Variants in CUL5 observed in about 807,000 individuals in gnomAD.
CUL5 encodes cullin-5.
CUL5 carries 26 observed loss-of-function variants against 108.8 expected under a neutral mutation model. That is an observed-to-expected ratio of 0.24 (90% confidence interval 0.18 to 0.33). The LOEUF (loss-of-function observed/expected upper bound fraction) is 0.33. CUL5 is among the 10% of genes least tolerant of loss of function. The probability of loss-of-function intolerance (pLI) is 1.00; values close to 1 mark genes in which losing one functional copy is unlikely to be tolerated. For synonymous variants in CUL5, 334 were observed against 298.0 expected, an observed-to-expected ratio of 1.12 and a Z score of -1.25; for missense variants, 524 against 909.2, an observed-to-expected ratio of 0.58 and a Z score of 5.45.
At chr11:108,059,586 A>G (rs965695504) in intron 7 of CUL5, among the ~76,000 whole-genome samples, 3 of 152,122 alleles carry the variant, frequency 2.0e-5, no homozygotes, top group African/African-American at 4.8e-5. Flanking sequence ...TCCTAACTAT[A>G]AAATGGAATA....
Position 108,052,644 on chromosome 11 carries a change from GTTC to G in CUL5, c.412-13_412-11del. ...ATAATTGAAAATTATGTTACAATTT[GTTC>G]TTGTTTTCCTAGCTTATGCTTGATA... On this transcript the variant is annotated splice_polypyrimidine_tract_variant and intron_variant, in intron 4 of 18. Coordinates refer to ENST00000393094, the MANE Select transcript of CUL5 (RefSeq NM_003478.6). 1 of 1,582,378 alleles carries G rather than the reference GTTC, an allele frequency of 6.3e-7. No individual in the cohort carries two copies. Among genetic ancestry groups the G allele is most frequent in the Non-Finnish European group, 8.6e-7 (1 of 1,161,812 alleles).
intron 12 of CUL5, among the ~76,000 whole-genome samples, chr11:108,089,012 C>T (rs1864288773): frequency 6.6e-6 from 1 of 151,798 alleles, no homozygotes; most frequent in Non-Finnish European, 1.5e-5. Flanking sequence ...AGATAGATAG[C>T]AAGGGATGAA....
chr11:108,072,561 TG>T, intron 9 of CUL5, 99 bp downstream of exon 9: 1 of 1,028,778 alleles, frequency 9.7e-7, no homozygotes, highest in Non-Finnish European at 1.4e-6. Flanking sequence ...GGCTGGGGGT[TG>T]GGGGAGCAGA....
intron 7 of CUL5, among the ~76,000 whole-genome samples, chr11:108,058,866 A>G (rs1052834408): frequency 6.6e-6 from 1 of 152,208 alleles, no homozygotes; most frequent in Non-Finnish European, 1.5e-5. Flanking sequence ...GGCCTATAGC[A>G]GATGAACAGA....
intron 13 of CUL5, among the ~76,000 whole-genome samples, chr11:108,093,149 T>G (rs192668362): frequency 4.5e-4 from 69 of 152,354 alleles, no homozygotes; most frequent in Non-Finnish European, 8.7e-4. Flanking sequence ...GGTAGATAAA[T>G]TATCTGACAC....
At chr11:108,088,758 A>T in intron 12 of CUL5, 99 bp downstream of exon 12, 2 of 903,224 alleles carry the variant, frequency 2.2e-6, no homozygotes, top group Non-Finnish European at 3.2e-6. Flanking sequence ...TTAAAAATGT[A>T]TTATCTGTAA....
Position 108,009,872 on chromosome 11 carries a change from C to T in CUL5, c.24+500C>T, listed in dbSNP as rs142400526. Among the ~76,000 whole-genome samples the T allele has an allele frequency of 5.9e-5, 9 of 152,284 alleles. No individual in the cohort carries two copies. In the South Asian group the frequency reaches 1.2e-3, roughly 21 times the overall value. ...CCAGCAGTGCCTCCCACTCCACCCC[C>T]CTTCCTCCCTTTTCTGCGTGTTACA... On this transcript the variant is annotated intron_variant, in intron 1 of 18. Coordinates refer to ENST00000393094, the MANE Select transcript of CUL5 (RefSeq NM_003478.6).
chr11:108,044,584 C>G (rs1863021684), intron 2 of CUL5, among the ~76,000 whole-genome samples: 1 of 151,318 alleles, frequency 6.6e-6, no homozygotes, highest in African/African-American at 2.4e-5. Flanking sequence ...ATTTGGATTT[C>G]TTTGACTTTT....
At chr11:108,051,651 AT>A (rs1394340991) in intron 4 of CUL5, among the ~76,000 whole-genome samples, 1 of 152,164 alleles carries the variant, frequency 6.6e-6, no homozygotes, top group African/African-American at 2.4e-5. Flanking sequence ...CATTTTTATC[AT>A]TTTAATGGAA....
intron 2 of CUL5, among the ~76,000 whole-genome samples, chr11:108,038,637 T>C (rs1415561628): frequency 6.7e-6 from 1 of 148,878 alleles, no homozygotes; most frequent in Non-Finnish European, 1.5e-5. Context: ...ATTGCACCAT[T>C]CCACTCCAGC....
chr11:108,097,746 C>T lies in CUL5; in HGVS notation c.2016C>T (p.Phe672=), dbSNP rs748500386. The change falls in exon 17 of 19, where the codon TTC becomes TTT. Residue 672 remains phenylalanine, a synonymous_variant. Coordinates refer to ENST00000393094, the MANE Select transcript of CUL5 (RefSeq NM_003478.6). ...EGTLFSVNQE[F]SLIKNAKVQK... Reference sequence around the variant, plus strand: ...CCCTCTTCTCAGTGAACCAGGAGTTCAGTTTAATGTAAGCTCGTTAGTTGA... The same window carrying T: ...CCCTCTTCTCAGTGAACCAGGAGTTTAGTTTAATGTAAGCTCGTTAGTTGA... 1.7e-5 allele frequency: 27 copies of T among 1,567,154 alleles called. No individual in the cohort carries two copies. The highest frequency in any genetic ancestry group is 2.4e-5 in the Non-Finnish European group (27 of 1,138,640).
intron 1 of CUL5, among the ~76,000 whole-genome samples, chr11:108,032,343 CA>C (rs1233578729): frequency 6.6e-6 from 1 of 151,862 alleles, no homozygotes; most frequent in Non-Finnish European, 1.5e-5. Context: ...CCCATCTCTA[CA>C]AAAAAATACA....
intron 1 of CUL5, among the ~76,000 whole-genome samples, chr11:108,024,623 A>G (rs1432192694): frequency 1.3e-5 from 2 of 152,244 alleles, no homozygotes; most frequent in Admixed American, 1.3e-4. Context: ...AATAGAAGAT[A>G]CAAATGCTGA....
At chr11:108,083,035 A>T (rs1864134625) in intron 11 of CUL5, among the ~76,000 whole-genome samples, 1 of 152,224 alleles carries the variant, frequency 6.6e-6, no homozygotes, top group Non-Finnish European at 1.5e-5. Context: ...ATATAAGATC[A>T]TGACATCTGC....
At chr11:108,047,552 T>G (rs2135122685) in intron 3 of CUL5, among the ~76,000 whole-genome samples, 1 of 152,324 alleles carries the variant, frequency 6.6e-6, no homozygotes, top group East Asian at 1.9e-4. Flanking sequence ...ATATTTTAAT[T>G]TTGCTAGTAG....
At chr11:108,018,922 C>G (rs1862266409) in intron 1 of CUL5, among the ~76,000 whole-genome samples, 1 of 152,074 alleles carries the variant, frequency 6.6e-6, no homozygotes, top group Admixed American at 6.6e-5. Flanking sequence ...TACTTAACAT[C>G]TCTGTGCCTC....
At chr11:108,078,794 TA>T (rs1180924642) in intron 11 of CUL5, among the ~76,000 whole-genome samples, 1 of 152,150 alleles carries the variant, frequency 6.6e-6, no homozygotes, top group Non-Finnish European at 1.5e-5. Context: ...ATTTTATATA[TA>T]ATGCTAAAAT....
At chr11:108,098,616 T>A in intron 18 of CUL5, 87 bp downstream of exon 18, 2 of 1,171,640 alleles carry the variant, frequency 1.7e-6, no homozygotes, top group Non-Finnish European at 2.2e-6. Context: ...TTTTTGAATT[T>A]AAAAGCATGT....
chr11:108,042,363 C>T (rs1041571361), intron 2 of CUL5, among the ~76,000 whole-genome samples: 1 of 151,744 alleles, frequency 6.6e-6, no homozygotes, highest in Middle Eastern at 3.2e-3. Context: ...GGACAACAGG[C>T]GTGCCTCACC....
Sources: allele counts gnomAD v4.1 joint callset (sites outside exome capture counted in the v4.1 genomes callset), GRCh38; gene constraint gnomAD v4.1.1; transcripts MANE v1.5; gene names NCBI Gene and HGNC (gene_info 2026-07-23, HGNC 2026-07-21).